RAB5A: variants seen among roughly 807,000 people sequenced by gnomAD.
RAB5A encodes the protein RAB5A, member RAS oncogene family.
RAB5A carries 8 observed loss-of-function variants against 25.7 expected under a neutral mutation model. The observed-to-expected ratio is 0.31, with a 90% CI of 0.18 to 0.56. RAB5A has a LOEUF of 0.56. RAB5A is among the 20% of genes least tolerant of loss of function. The probability of loss-of-function intolerance (pLI) is 0.91; values close to 1 mark genes in which losing one functional copy is unlikely to be tolerated. For synonymous variants in RAB5A, 98 were observed against 89.8 expected, an observed-to-expected ratio of 1.09 and a Z score of -0.52; for missense variants, 192 against 259.7, an observed-to-expected ratio of 0.74 and a Z score of 1.79.
At chr3:19,981,304 T>C (rs1696922205) in intron 5 of RAB5A, among the ~76,000 whole-genome samples, 1 of 152,172 alleles carries the variant, frequency 6.6e-6, no homozygotes, top group Non-Finnish European at 1.5e-5. Context: ...AAACCCATCA[T>C]AAATTAAAAA....
chr3:19,958,419 A>T (rs1369803279), intron 2 of RAB5A, among the ~76,000 whole-genome samples: 1 of 152,192 alleles, frequency 6.6e-6, no homozygotes, highest in Non-Finnish European at 1.5e-5. Flanking sequence ...AAATATTATC[A>T]TATGTGGCTA....
At chr3:19,967,723 A>G (rs1239848202) in intron 2 of RAB5A, among the ~76,000 whole-genome samples, 1 of 151,628 alleles carries the variant, frequency 6.6e-6, no homozygotes, top group Non-Finnish European at 1.5e-5. Context: ...ACTGTGCCTT[A>G]TTTTTTCTTT....
chr3:19,974,612 A>G (rs1022210853), intron 2 of RAB5A, among the ~76,000 whole-genome samples: 3 of 151,988 alleles, frequency 2.0e-5, no homozygotes, highest in Admixed American at 1.3e-4. Flanking sequence ...AAGTGTCACA[A>G]TGTTTTAAAA....
At chr3:19,973,346 C>T (rs1461814526) in intron 2 of RAB5A, among the ~76,000 whole-genome samples, 1 of 149,156 alleles carries the variant, frequency 6.7e-6, no homozygotes, top group Non-Finnish European at 1.5e-5. Context: ...CATAGTATGT[C>T]TGAAAAATGA....
intron 2 of RAB5A, among the ~76,000 whole-genome samples, chr3:19,958,989 A>G (rs1196461555): frequency 6.6e-6 from 1 of 152,114 alleles, no homozygotes; most frequent in Non-Finnish European, 1.5e-5. Context: ...TAAACTGTGT[A>G]CTCTTCTCAT....
chr3:19,956,203 C>T (rs1425456910), intron 2 of RAB5A, among the ~76,000 whole-genome samples: 2 of 152,134 alleles, frequency 1.3e-5, no homozygotes, highest in Admixed American at 1.3e-4. Context: ...CGCAGTGGCT[C>T]ATGCCTGTAA....
chr3:19,948,294 A>T (rs1442804601), intron 1 of RAB5A, among the ~76,000 whole-genome samples: 1 of 152,220 alleles, frequency 6.6e-6, no homozygotes, highest in Admixed American at 6.5e-5. Context: ...CAAAGCGTTC[A>T]ATCAGTTGCC....
chr3:19,960,387 A>G (rs1696567743), intron 2 of RAB5A, among the ~76,000 whole-genome samples: 1 of 152,088 alleles, frequency 6.6e-6, no homozygotes, highest in South Asian at 2.1e-4. Flanking sequence ...TGCAGCCTCA[A>G]CTTCTGGGCT....
intron 2 of RAB5A, among the ~76,000 whole-genome samples, chr3:19,967,333 C>T (rs1330654893): frequency 6.6e-6 from 1 of 151,996 alleles, no homozygotes; most frequent in African/African-American, 2.4e-5. Flanking sequence ...TTAATAGAGA[C>T]AGGGTTTCGT....
chr3:19,974,031 T>C (rs1696788119), intron 2 of RAB5A, among the ~76,000 whole-genome samples: 2 of 152,156 alleles, frequency 1.3e-5, no homozygotes, highest in Admixed American at 6.6e-5. Context: ...ATATCACACC[T>C]TGAGCTAAAT....
At chr3:19,982,048 C>A (rs1696938904) in intron 5 of RAB5A, among the ~76,000 whole-genome samples, 1 of 151,882 alleles carries the variant, frequency 6.6e-6, no homozygotes, top group African/African-American at 2.4e-5. Flanking sequence ...TCTAGACCAG[C>A]CTGGGCAACA....
chr3:19,984,994 T>G lies in RAB5A; in HGVS notation c.*1171T>G. ...TGATCAGTTCAGTATATTGCACTAATTATTTTAGGTATTTTCATTATATGA... is the reference window on the plus strand; with the variant it reads ...TGATCAGTTCAGTATATTGCACTAAGTATTTTAGGTATTTTCATTATATGA... On this transcript the variant is annotated 3_prime_UTR_variant, in exon 6 of 6. Transcript: ENST00000273047. 5.4e-6 allele frequency: 1 copy of G among 185,480 alleles called. No individual in the cohort carries two copies. The highest frequency in any genetic ancestry group is 1.6e-4 in the East Asian group (1 of 6,432). 11.5% of individuals were successfully genotyped at this position (185,480 alleles called of 1,614,324 possible). A position where few individuals can be genotyped will look rare whatever the true frequency, so the allele number is the denominator to read the frequency against.
intron 2 of RAB5A, among the ~76,000 whole-genome samples, chr3:19,967,367 ACTC>A (rs1244526777): frequency 1.3e-5 from 2 of 150,148 alleles, no homozygotes; most frequent in African/African-American, 2.5e-5. Flanking sequence ...CTGATCTTGA[ACTC>A]CTGACCTCGG....
chr3:19,949,710 A>G lies in RAB5A; in HGVS notation c.-93-1096A>G, dbSNP rs191668575. ...ATTAAAAATTAGCATAGAAGTCGCC[A>G]TTCAGGCTAGATTTCTTTAATGTGT... On this transcript the variant is annotated intron_variant, in intron 1 of 5. Transcript: ENST00000273047. Among the ~76,000 whole-genome samples, 1,009 of 152,356 alleles carry G rather than the reference A, an allele frequency of 6.6e-3. 5 individuals carry two copies. Among genetic ancestry groups the G allele is most frequent in the Middle Eastern group, 0.02 (6 of 294 alleles).
At chr3:19,960,146 C>G (rs1424646135) in intron 2 of RAB5A, among the ~76,000 whole-genome samples, 4 of 152,010 alleles carry the variant, frequency 2.6e-5, no homozygotes, top group African/African-American at 9.7e-5. Context: ...ACCATAATAA[C>G]CTGACATTGC....
rs1696320565 is a variant in RAB5A at position 19,947,292 on chromosome 3, GGAGAAAGGAAAGAGGAAGGGGGA to G, written c.-321_-299del. ...CGGCGGCGGCGGCGGCGGCGGAGGA[GGAGAAAGGAAAGAGGAAGGGGGA>G]GCGGCGAGAGGCGGAGACGGAGCCC... On this transcript the variant is annotated 5_prime_UTR_variant, in exon 1 of 6. Coordinates refer to ENST00000273047, the MANE Select transcript of RAB5A (RefSeq NM_004162.5). 4.7e-6 allele frequency: 1 copy of G among 212,682 alleles called. No individual in the cohort carries two copies. Among genetic ancestry groups the G allele is most frequent in the Non-Finnish European group, 9.0e-6 (1 of 111,146 alleles). 13.2% of individuals were successfully genotyped at this position (212,682 alleles called of 1,614,324 possible).
intron 2 of RAB5A, chr3:19,970,764 T>A (rs1696738297): frequency 3.3e-6 from 1 of 299,692 alleles, no homozygotes; most frequent in Non-Finnish European, 6.7e-6. Flanking sequence ...ATGTAGTAGT[T>A]TTATCTTTTC....
At chr3:19,966,439 C>T (rs187960566) in intron 2 of RAB5A, among the ~76,000 whole-genome samples, 209 of 152,302 alleles carry the variant, frequency 1.4e-3, no homozygotes, top group Non-Finnish European at 2.4e-3. Context: ...GCTTGTCCAT[C>T]ATTGGACACT....
chr3:19,951,945 G>A (rs1696430911), intron 2 of RAB5A, among the ~76,000 whole-genome samples: 1 of 152,044 alleles, frequency 6.6e-6, no homozygotes, highest in African/African-American at 2.4e-5. Flanking sequence ...GAAAGAGTAG[G>A]CACTGACAAG....
Sources: gnomAD v4.1 joint callset for allele counts (sites outside exome capture counted in the v4.1 genomes callset) on GRCh38, gnomAD v4.1.1 for gene constraint, MANE v1.5 for transcripts, NCBI Gene and HGNC (gene_info 2026-07-23, HGNC 2026-07-21) for gene names.